The following CFAP300 variants were observed in gnomAD, a reference collection of about 807,000 sequenced individuals.
CFAP300 encodes cilia and flagella associated protein 300, also known as cilia- and flagella-associated protein 300.
In CFAP300, 32 loss-of-function variants were observed where a neutral mutation model predicts 33.0. The observed-to-expected ratio is 0.97, with a 90% confidence interval of 0.73 to 1.30. The LOEUF is 1.30. CFAP300 is among the 50% of genes most tolerant of loss of function. The probability of loss-of-function intolerance (pLI) is 0.00; values close to 1 mark genes in which losing one functional copy is unlikely to be tolerated. For synonymous variants in CFAP300, 102 were observed against 106.8 expected (o/e 0.95, Z 0.28); for missense variants, 356 against 318.1 (o/e 1.12, Z -0.90).
At position 102,077,149 on chromosome 11, in the gene CFAP300, G is replaced by A. The variant is rs573666593; in HGVS notation, c.608+1104G>A. On this transcript the variant is annotated intron_variant, in intron 5 of 6. Transcript: ENST00000434758. The stretch of plus-strand genomic sequence containing the variant: ...ACTACTACCACTACTACCACAACGC[G>A]TTGTACCCCATCCGCCACATGAACC... Among the ~76,000 whole-genome samples the A allele has an allele frequency of 6.6e-5, 10 of 152,014 alleles. No individual in the cohort carries two copies. The East Asian group carries it at 7.7e-4, about 12-fold the overall frequency.
chr11:102,057,307 C>A (rs1416674962), intron 2 of CFAP300, among the ~76,000 whole-genome samples: 5 of 150,610 alleles, frequency 3.3e-5, no homozygotes, highest in African/African-American at 4.9e-5. Context: ...CCACTGCACT[C>A]CATCCTGGGC....
At chr11:102,050,262 T>G (rs1941949497) in intron 2 of CFAP300, among the ~76,000 whole-genome samples, 2 of 152,220 alleles carry the variant, frequency 1.3e-5, no homozygotes, top group South Asian at 4.1e-4. Context: ...ATCTGCCAGG[T>G]TTGGTGTTCT....
chr11:102,081,247 A>G lies in CFAP300; in HGVS notation c.641A>G (p.Gln214Arg), dbSNP rs775109204. ...VRKNPQTKKI[Q>R]ITSSVFKVSA... is the part of the protein sequence containing the mutation. ...AAGAATCCTCAAACCAAGAAAATAC[A>G]GATTACCTCTTCTGTCTTTAAAGTT... Residue 214 changes from glutamine (Q) to arginine (R), a missense_variant, in exon 6 of 7, where the codon CAG (glutamine) becomes CGG (arginine). Coordinates refer to ENST00000434758, the MANE Select transcript of CFAP300 (RefSeq NM_032930.3). The G allele has an allele frequency of 1.2e-6, 2 of 1,611,268 alleles. No individual in the cohort carries two copies. Among genetic ancestry groups the G allele is most frequent in the East Asian group, 2.2e-5 (1 of 44,804 alleles).
intron 2 of CFAP300, among the ~76,000 whole-genome samples, chr11:102,053,206 G>A (rs1466666637): frequency 6.6e-6 from 1 of 151,498 alleles, no homozygotes; most frequent in Non-Finnish European, 1.5e-5. Flanking sequence ...TCCAGCCTGG[G>A]CGACAGAGTG....
At position 102,047,609 on chromosome 11, in the gene CFAP300, A is replaced by C. The variant is rs1402356872; in HGVS notation, c.110+29A>C. ...AGGAACCGAGGCACAGGGAGAGAAG[A>C]GGCCCTTGGTCTTCGCGGCTGTGGA... On this transcript the variant is annotated intron_variant, in intron 1 of 6. Transcript: ENST00000434758. 3.9e-6 allele frequency: 6 copies of C among 1,528,746 alleles called. No homozygotes were observed. In the East Asian group the frequency reaches 1.5e-4, roughly 37 times the overall value. The allele number at this position is 1,528,746 out of a possible 1,614,324, so 94.7% of individuals were successfully genotyped here.
chr11:102,067,860 T>C (rs1942251672), intron 4 of CFAP300, among the ~76,000 whole-genome samples: 1 of 152,164 alleles, frequency 6.6e-6, no homozygotes, highest in African/African-American at 2.4e-5. Flanking sequence ...TGAGCTATGA[T>C]TGTGCCACTG....
intron 2 of CFAP300, among the ~76,000 whole-genome samples, chr11:102,053,708 G>C (rs1591314243): frequency 6.6e-6 from 1 of 152,332 alleles, no homozygotes; most frequent in South Asian, 2.1e-4. Context: ...GTGAGACTCT[G>C]TCCGTATTAT....
intron 6 of CFAP300, 45 bp from the exon 7 acceptor site, chr11:102,083,026 C>T: frequency 9.7e-7 from 1 of 1,032,708 alleles, no homozygotes; most frequent in Non-Finnish European, 1.2e-6. Context: ...TATATAAATA[C>T]ATAAATAAAA....
At chr11:102,081,617 C>T (rs927662988) in intron 6 of CFAP300, among the ~76,000 whole-genome samples, 5 of 152,124 alleles carry the variant, frequency 3.3e-5, no homozygotes, top group Admixed American at 6.5e-5. Context: ...CAAATGTCGC[C>T]GGGCCCGGTG....
chr11:102,076,189 T>G, intron 5 of CFAP300, 144 bp downstream of exon 5: 7 of 763,046 alleles, frequency 9.2e-6, no homozygotes, highest in Non-Finnish European at 1.3e-5. Context: ...CCCCCTCTCA[T>G]AACCTTCCCC....
At chr11:102,074,276 T>G (rs1295631311) in intron 4 of CFAP300, among the ~76,000 whole-genome samples, 1 of 152,162 alleles carries the variant, frequency 6.6e-6, no homozygotes, top group Non-Finnish European at 1.5e-5. Flanking sequence ...TTGTGTGGTC[T>G]CCAGGCAGCT....
intron 3 of CFAP300, among the ~76,000 whole-genome samples, chr11:102,061,621 G>GGTA (rs1407612111): frequency 2.6e-5 from 4 of 152,270 alleles, no homozygotes; most frequent in African/African-American, 9.6e-5. Context: ...ATGCAAGAAA[G>GGTA]GTAGTATTAT....
Position 102,078,185 on chromosome 11 carries a change from G to A in CFAP300, c.608+2140G>A, listed in dbSNP as rs114749970. On this transcript the variant is annotated intron_variant, in intron 5 of 6. Coordinates refer to ENST00000434758, the MANE Select transcript of CFAP300 (RefSeq NM_032930.3). ...TGGGATTACAGGTGTAAGCCGCCGC[G>A]CCCAGTCAGGTCCTTGTTTTTTAAA... Among the ~76,000 whole-genome samples the A allele has an allele frequency of 2.6e-3, 390 of 152,246 alleles. 1 individual carries two copies. The highest frequency in any genetic ancestry group is 8.9e-3 in the African/African-American group (370 of 41,548).
At chr11:102,052,686 G>A (rs1016335144) in intron 2 of CFAP300, among the ~76,000 whole-genome samples, 2 of 152,078 alleles carry the variant, frequency 1.3e-5, no homozygotes, top group African/African-American at 4.8e-5. Flanking sequence ...TTCATGAAGA[G>A]GAATCCAAGG....
rs571756322 is a variant in CFAP300 at position 102,078,336 on chromosome 11, T to C, written c.608+2291T>C. Among the ~76,000 whole-genome samples the C allele has an allele frequency of 6.7e-4, 102 of 152,356 alleles. 2 individuals carry two copies. Among genetic ancestry groups the C allele is most frequent in the African/African-American group, 2.0e-3 (84 of 41,584 alleles). ...CTATATTATGTCCAAACCATTAATATAATTACACTTTTAAAAAATATTATG... is the reference window on the plus strand; with the variant it reads ...CTATATTATGTCCAAACCATTAATACAATTACACTTTTAAAAAATATTATG... On this transcript the variant is annotated intron_variant, in intron 5 of 6. Transcript: ENST00000434758.
Position 102,084,378 on chromosome 11 carries a change from G to C in CFAP300, c.*1179G>C, listed in dbSNP as rs1942517508. On this transcript the variant is annotated 3_prime_UTR_variant, in exon 7 of 7. Transcript: ENST00000434758. ...TAATCTTGGACTTGAACCTGGATTT[G>C]AATCTGGAATGCAGCTGGCAATTTG... The C allele has an allele frequency of 6.6e-6, 1 of 152,186 alleles. No individual in the cohort carries two copies. The highest frequency in any genetic ancestry group is 1.5e-5 in the Non-Finnish European group (1 of 68,030). The allele number at this position is 152,186 out of a possible 1,614,324, so 9.4% of individuals were successfully genotyped here.
intron 4 of CFAP300, among the ~76,000 whole-genome samples, chr11:102,074,859 C>T (rs879700639): frequency 3.9e-5 from 6 of 152,000 alleles, no homozygotes; most frequent in East Asian, 1.9e-4. Context: ...TTCACCACCA[C>T]GTCCAGCTTA....
rs764950961 is a variant in CFAP300 at position 102,066,555 on chromosome 11, G to A, written c.339G>A (p.Arg113=). ...AGCTTTCAATGTCATTTTTTCATCG[G>A]TTATATGATGAAGATATTGTACGAG... The part of the protein sequence containing the change: ...CTQLSMSFFH[R]LYDEDIVRDS... Residue 113 remains arginine (R), a synonymous_variant, in exon 4 of 7, where the codon CGG becomes CGA. Transcript: ENST00000434758. The A allele has an allele frequency of 1.9e-6, 3 of 1,610,810 alleles. No individual in the cohort carries two copies. The highest frequency in any genetic ancestry group is 2.5e-6 in the Non-Finnish European group (3 of 1,178,488).
At chr11:102,077,445 C>G in intron 5 of CFAP300, among the ~76,000 whole-genome samples, 1 of 152,226 alleles carries the variant, frequency 6.6e-6, no homozygotes, top group East Asian at 1.9e-4. Context: ...ATGTTGGGAG[C>G]ACACTACAGC....
Sources: allele counts gnomAD v4.1 joint callset (sites outside exome capture counted in the v4.1 genomes callset), GRCh38; gene constraint gnomAD v4.1.1; transcripts MANE v1.5; gene names NCBI Gene and HGNC (gene_info 2026-07-23, HGNC 2026-07-21).